Variants in EYS observed in about 807,000 individuals in gnomAD.
EYS encodes protein eyes shut homolog.
In EYS, 250 loss-of-function variants were observed where a neutral mutation model predicts 282.1. The observed-to-expected ratio is 0.89, with a 90% CI of 0.80 to 0.98. The LOEUF is 0.98. Among genes scored for constraint, EYS ranks in the 50% least tolerant of loss-of-function variants. The probability of loss-of-function intolerance (pLI) is 0.00; values close to 1 mark genes in which losing one functional copy is unlikely to be tolerated. For synonymous variants in EYS, 1,355 were observed against 1,282.9 expected, an observed-to-expected ratio of 1.06 and a Z score of -1.20; for missense variants, 4,016 against 3,709.0, an observed-to-expected ratio of 1.08 and a Z score of -2.15.
intron 5 of EYS, among the ~76,000 whole-genome samples, chr6:65,423,848 T>C (rs1032795): frequency 0.77 from 116,066 of 151,652 alleles, 44,946 homozygotes; most frequent in Non-Finnish European, 0.83. Context: ...CTAATTGCCC[T>C]GCTATAAGTG....
intron 35 of EYS, among the ~76,000 whole-genome samples, chr6:63,942,341 A>C (rs1440594046): frequency 6.6e-6 from 1 of 152,230 alleles, no homozygotes; most frequent in Admixed American, 6.5e-5. Flanking sequence ...TGACAAAGCC[A>C]ATCAAGGAAG....
chr6:63,899,974 T>C (rs1348306662), intron 35 of EYS, among the ~76,000 whole-genome samples: 2 of 152,228 alleles, frequency 1.3e-5, no homozygotes, highest in East Asian at 1.9e-4. Flanking sequence ...TTTGTAAGAA[T>C]ATTTTTCAGT....
At chr6:64,809,045 C>G (rs923690800) in intron 22 of EYS, among the ~76,000 whole-genome samples, 1 of 152,088 alleles carries the variant, frequency 6.6e-6, no homozygotes, top group African/African-American at 2.4e-5. Flanking sequence ...ATGCTTGCCT[C>G]TGCCCAGACA....
intron 9 of EYS, among the ~76,000 whole-genome samples, chr6:65,345,452 T>G (rs1001447923): frequency 6.6e-6 from 1 of 151,864 alleles, no homozygotes; most frequent in African/African-American, 2.4e-5. Context: ...AGTATTAGAA[T>G]GAATACTTTA....
intron 26 of EYS, among the ~76,000 whole-genome samples, chr6:64,462,756 C>A (rs2150486286): frequency 6.6e-6 from 1 of 152,040 alleles, no homozygotes; most frequent in African/African-American, 2.4e-5. Flanking sequence ...CTAGCCTTAA[C>A]AAATATTTTA....
chr6:63,772,214 G>A (rs1284176435), intron 40 of EYS, among the ~76,000 whole-genome samples: 1 of 151,864 alleles, frequency 6.6e-6, no homozygotes, highest in African/African-American at 2.4e-5. Flanking sequence ...AGGCTGGAGT[G>A]CAATGGCACA....
chr6:65,527,665 T>C (rs979595438), intron 2 of EYS, among the ~76,000 whole-genome samples: 2 of 152,194 alleles, frequency 1.3e-5, no homozygotes, highest in African/African-American at 4.8e-5. Context: ...GACTTGCCAG[T>C]ATAATTGGAC....
intron 31 of EYS, among the ~76,000 whole-genome samples, chr6:64,227,710 T>C (rs972472244): frequency 1.3e-5 from 2 of 152,254 alleles, no homozygotes; most frequent in Admixed American, 1.3e-4. Flanking sequence ...AATAATATTA[T>C]GCAAATTTCA....
intron 26 of EYS, among the ~76,000 whole-genome samples, chr6:64,472,768 G>A (rs1311234451): frequency 6.6e-6 from 1 of 152,088 alleles, no homozygotes; most frequent in African/African-American, 2.4e-5. Context: ...GGTGCACTTA[G>A]ATGAGACACA....
chr6:64,953,897 A>T (rs1366098477), intron 14 of EYS, among the ~76,000 whole-genome samples: 1 of 152,004 alleles, frequency 6.6e-6, no homozygotes, highest in Non-Finnish European at 1.5e-5. Flanking sequence ...GAGGAAGATA[A>T]TATAGAGTAT....
chr6:64,298,724 A>G (rs886369553), intron 30 of EYS, among the ~76,000 whole-genome samples: 27 of 152,148 alleles, frequency 1.8e-4, no homozygotes, highest in African/African-American at 6.5e-4. Context: ...ATCAAAAAAC[A>G]GAAACCTGCA....
rs114511424 is a variant in EYS at position 65,129,594 on chromosome 6, T to C, written c.2024-71867A>G. The stretch of plus-strand genomic sequence containing the variant: ...AATCACTAATCATCAGAGAAACGAA[T>C]ATCAAAACCACAATGAGATACCATC... On this transcript the variant is annotated intron_variant, in intron 12 of 42. Coordinates refer to ENST00000503581, the MANE Select transcript of EYS (RefSeq NM_001142800.2). Among the ~76,000 whole-genome samples, 1,092 of 151,856 alleles carry C rather than the reference T, an allele frequency of 7.2e-3. 7 individuals are homozygous for C. The highest frequency in any genetic ancestry group is 0.011 in the Non-Finnish European group (729 of 67,772).
rs201498090 is a variant in EYS at position 64,372,130 on chromosome 6, G to GTTTTTTTTTTTT, written c.6078+16548_6078+16559dup. 1.1e-3 allele frequency among the ~76,000 whole-genome samples: 106 copies of GTTTTTTTTTTTT among 97,686 alleles called. 9 individuals are homozygous for GTTTTTTTTTTTT. The highest frequency in any genetic ancestry group is 3.4e-3 in the African/African-American group (73 of 21,222). The allele number at this position is 97,686 out of a possible 152,430, so 64.1% of individuals were successfully genotyped here. On this transcript the variant is annotated intron_variant, in intron 29 of 42. Transcript: ENST00000503581. ...TAGCATCACTGGTCTGTATACTTGT[G>GTTTTTTTTTTTT]TTTTTTTTTTTTTTTTTTTTTTTTT...
Position 65,375,284 on chromosome 6 carries a change from G to A in EYS, c.1299+9102C>T, listed in dbSNP as rs1167911818. On this transcript the variant is annotated intron_variant, in intron 8 of 42. Transcript: ENST00000503581. ...TCCAGCAAACTGCAGCAGACCTGCA[G>A]AAGAGGGGCCTGACCATCAGAAGAA... Among the ~76,000 whole-genome samples the A allele has an allele frequency of 3.9e-5, 6 of 152,156 alleles. No individual in the cohort carries two copies. The East Asian group carries it at 1.2e-3, about 29-fold the overall frequency.
intron 2 of EYS, among the ~76,000 whole-genome samples, chr6:65,634,808 T>C (rs1354960861): frequency 6.6e-6 from 1 of 152,248 alleles, no homozygotes; most frequent in Non-Finnish European, 1.5e-5. Context: ...TTAGTCCTTG[T>C]TATACAGGTG....
intron 22 of EYS, among the ~76,000 whole-genome samples, chr6:64,740,665 T>A (rs1179550157): frequency 6.6e-6 from 1 of 151,932 alleles, no homozygotes; most frequent in Non-Finnish European, 1.5e-5. Context: ...GCACAGTAAC[T>A]TTGAACATCC....
intron 29 of EYS, among the ~76,000 whole-genome samples, chr6:64,333,093 T>C (rs1462483529): frequency 6.6e-6 from 1 of 152,132 alleles, no homozygotes; most frequent in Non-Finnish European, 1.5e-5. Flanking sequence ...ATACAGAGAC[T>C]CATACAGGAA....
chr6:64,520,502 A>T (rs1777701656), intron 26 of EYS, among the ~76,000 whole-genome samples: 1 of 151,674 alleles, frequency 6.6e-6, no homozygotes, highest in Non-Finnish European at 1.5e-5. Flanking sequence ...AGAAGGGGGA[A>T]CTTGATTTTG....
chr6:65,580,773 A>C (rs1312734051), intron 2 of EYS, among the ~76,000 whole-genome samples: 1 of 152,072 alleles, frequency 6.6e-6, no homozygotes, highest in Non-Finnish European at 1.5e-5. Context: ...AATTTAATAT[A>C]GCTAATGTTC....
Sources: gnomAD v4.1 joint callset for allele counts (sites outside exome capture counted in the v4.1 genomes callset) on GRCh38, gnomAD v4.1.1 for gene constraint, MANE v1.5 for transcripts, NCBI Gene and HGNC (gene_info 2026-07-23, HGNC 2026-07-21) for gene names.